Variants in NRG3 observed in about 807,000 individuals in gnomAD.
The protein encoded by NRG3 is pro-neuregulin-3, membrane-bound isoform.
In NRG3, 31 loss-of-function variants were observed where a neutral mutation model predicts 66.9. That is an observed-to-expected ratio of 0.46 (90% confidence interval 0.35 to 0.63). The LOEUF (loss-of-function observed/expected upper bound fraction) is 0.63. NRG3 is among the 20% of genes least tolerant of loss of function. The pLI is 0.00. For missense variants in NRG3, 910 were observed against 878.9 expected (o/e 1.04, Z -0.45); for synonymous variants, 393 against 359.4 (o/e 1.09, Z -1.06).
chr10:82,648,032 G>T (rs1429282227), intron 2 of NRG3, among the ~76,000 whole-genome samples: 41 of 148,614 alleles, frequency 2.8e-4, no homozygotes, highest in East Asian at 1.6e-3. Flanking sequence ...GTCAATTTTG[G>T]CTTTTGTTGC....
At chr10:81,913,675 C>T (rs1225495312) in intron 1 of NRG3, among the ~76,000 whole-genome samples, 1 of 152,102 alleles carries the variant, frequency 6.6e-6, no homozygotes, top group Non-Finnish European at 1.5e-5. Context: ...CTGCCCACCT[C>T]AGCCTCCCAA....
chr10:81,920,974 A>G (rs1466019720), intron 1 of NRG3, among the ~76,000 whole-genome samples: 1 of 152,258 alleles, frequency 6.6e-6, no homozygotes, highest in East Asian at 1.9e-4. Context: ...TATTCATAAT[A>G]ACATTTTAGG....
Position 82,477,781 on chromosome 10 carries a change from A to C in NRG3, c.953+118913A>C, listed in dbSNP as rs78595911. Among the ~76,000 whole-genome samples, 379 of 152,288 alleles carry C rather than the reference A, an allele frequency of 2.5e-3. 2 individuals carry two copies. Among genetic ancestry groups the C allele is most frequent in the African/African-American group, 8.5e-3 (353 of 41,578 alleles). ...GGGAACATAGAGGAATAAGGCATAAACCGAGGGGACAGGAATGGAATGTGT... is the reference window on the plus strand; with the variant it reads ...GGGAACATAGAGGAATAAGGCATAACCCGAGGGGACAGGAATGGAATGTGT... On this transcript the variant is annotated intron_variant, in intron 2 of 8. Transcript: ENST00000372141.
chr10:82,911,403 G>C (rs1011229150), intron 4 of NRG3, among the ~76,000 whole-genome samples: 13 of 152,026 alleles, frequency 8.6e-5, no homozygotes, highest in African/African-American at 3.1e-4. Context: ...TTTCTGGAAA[G>C]TTACAAGCTA....
intron 3 of NRG3, among the ~76,000 whole-genome samples, chr10:82,783,537 A>G (rs1210833241): frequency 2.0e-5 from 3 of 152,056 alleles, no homozygotes; most frequent in Non-Finnish European, 2.9e-5. Flanking sequence ...ATGTACAAAA[A>G]TCACAAGCAT....
chr10:81,991,330 A>G, intron 1 of NRG3, among the ~76,000 whole-genome samples: 1 of 152,200 alleles, frequency 6.6e-6, no homozygotes, highest in East Asian at 1.9e-4. Context: ...AGATTACATG[A>G]TATAACAAGT....
At chr10:81,977,753 T>C (rs1482348272) in intron 1 of NRG3, among the ~76,000 whole-genome samples, 1 of 152,200 alleles carries the variant, frequency 6.6e-6, no homozygotes, top group African/African-American at 2.4e-5. Flanking sequence ...CCTCATACTA[T>C]TTGAGTCTTA....
chr10:82,474,053 C>T (rs1428579062), intron 2 of NRG3, among the ~76,000 whole-genome samples: 1 of 152,012 alleles, frequency 6.6e-6, no homozygotes, highest in Non-Finnish European at 1.5e-5. Flanking sequence ...ATGTTCAGAA[C>T]AGTCCCTCAA....
At chr10:82,010,228 G>A (rs2061523994) in intron 1 of NRG3, among the ~76,000 whole-genome samples, 1 of 152,144 alleles carries the variant, frequency 6.6e-6, no homozygotes, top group South Asian at 2.1e-4. Flanking sequence ...GCCTTGGAGT[G>A]GGTAAGCCAT....
intron 2 of NRG3, among the ~76,000 whole-genome samples, chr10:82,361,758 A>G (rs1242030081): frequency 2.0e-5 from 3 of 152,170 alleles, no homozygotes; most frequent in Non-Finnish European, 4.4e-5. Flanking sequence ...TGTTTATGAC[A>G]TAGTAGTTAC....
At chr10:82,101,098 C>G (rs988865335) in intron 1 of NRG3, among the ~76,000 whole-genome samples, 8 of 151,774 alleles carry the variant, frequency 5.3e-5, no homozygotes, top group African/African-American at 1.9e-4. Flanking sequence ...GGCACATTTC[C>G]TCTATAGACA....
At chr10:82,428,127 C>T (rs563447295) in intron 2 of NRG3, among the ~76,000 whole-genome samples, 2 of 151,770 alleles carry the variant, frequency 1.3e-5, no homozygotes, top group East Asian at 1.9e-4. Flanking sequence ...TCAATTTGGT[C>T]GATCTTTTTA....
chr10:82,734,702 C>G (rs1369585736), intron 2 of NRG3, among the ~76,000 whole-genome samples: 1 of 151,964 alleles, frequency 6.6e-6, no homozygotes, highest in Non-Finnish European at 1.5e-5. Flanking sequence ...AGAAACAAAA[C>G]AAATAACATG....
chr10:82,610,638 C>A (rs1270516778), intron 2 of NRG3, among the ~76,000 whole-genome samples: 1 of 152,070 alleles, frequency 6.6e-6, no homozygotes, highest in Admixed American at 6.6e-5. Context: ...CACAAAAATT[C>A]AGAATGACTT....
chr10:82,377,448 G>GTA (rs2085321550), intron 2 of NRG3, among the ~76,000 whole-genome samples: 1 of 127,878 alleles, frequency 7.8e-6, no homozygotes, highest in African/African-American at 4.0e-5. Context: ...GTGTGTGTGT[G>GTA]TGTGTGTGTG....
At chr10:82,556,527 C>A (rs1379237433) in intron 2 of NRG3, among the ~76,000 whole-genome samples, 1 of 152,116 alleles carries the variant, frequency 6.6e-6, no homozygotes, top group Non-Finnish European at 1.5e-5. Flanking sequence ...AAATGCCGAC[C>A]AATGGCATCT....
chr10:82,195,628 C>A (rs1453711727), intron 1 of NRG3, among the ~76,000 whole-genome samples: 60 of 152,262 alleles, frequency 3.9e-4, no homozygotes, highest in African/African-American at 1.4e-3. Context: ...TACCCATGCC[C>A]CAACCCCCAG....
At chr10:82,320,745 T>C (rs187870749) in intron 1 of NRG3, among the ~76,000 whole-genome samples, 15 of 152,178 alleles carry the variant, frequency 9.9e-5, no homozygotes, top group African/African-American at 3.1e-4. Flanking sequence ...AGAGAGTGGT[T>C]CCCCAGCAAA....
At chr10:82,339,706 A>C (rs184681032) in intron 1 of NRG3, among the ~76,000 whole-genome samples, 118 of 152,144 alleles carry the variant, frequency 7.8e-4, no homozygotes, top group African/African-American at 2.6e-3. Flanking sequence ...TAAGCTTCCA[A>C]GTGCTCTTTT....
Sources: gnomAD v4.1 joint callset for allele counts (sites outside exome capture counted in the v4.1 genomes callset) on GRCh38, gnomAD v4.1.1 for gene constraint, MANE v1.5 for transcripts, NCBI Gene and HGNC (gene_info 2026-07-23, HGNC 2026-07-21) for gene names.